Variants in HPSE2 observed in about 807,000 individuals in gnomAD.
HPSE2 encodes inactive heparanase-2.
HPSE2 carries 38 observed loss-of-function variants against 60.5 expected under a neutral mutation model. That is an observed-to-expected ratio of 0.63 (90% CI 0.48 to 0.82). HPSE2 has a LOEUF of 0.82. Ranked by LOEUF, HPSE2 falls within the 40% of genes least tolerant of loss-of-function variation. The probability of loss-of-function intolerance (pLI) is 0.00; values close to 1 mark genes in which losing one functional copy is unlikely to be tolerated. For missense variants in HPSE2, 713 were observed against 740.4 expected (o/e 0.96, Z 0.43); for synonymous variants, 295 against 293.2 (o/e 1.01, Z -0.06).
intron 3 of HPSE2, among the ~76,000 whole-genome samples, chr10:98,818,764 A>T (rs573649522): frequency 6.6e-6 from 1 of 152,184 alleles, no homozygotes; most frequent in Non-Finnish European, 1.5e-5. Context: ...ATCAAGGAAA[A>T]CTCTGGACTC....
chr10:99,010,338 C>T (rs1260844906), intron 3 of HPSE2, among the ~76,000 whole-genome samples: 4 of 152,194 alleles, frequency 2.6e-5, no homozygotes, highest in African/African-American at 9.7e-5. Context: ...TGAGAATCTT[C>T]ACCTTTGCCT....
chr10:98,867,828 G>C (rs1181665262), intron 3 of HPSE2, among the ~76,000 whole-genome samples: 1 of 152,136 alleles, frequency 6.6e-6, no homozygotes, highest in African/African-American at 2.4e-5. Flanking sequence ...GGGAGGCCAA[G>C]GCAGGCCAAC....
intron 6 of HPSE2, among the ~76,000 whole-genome samples, chr10:98,688,465 C>CTTTTTTTTTATTTTTTTTT (rs1947977495): frequency 9.6e-6 from 1 of 103,858 alleles, no homozygotes; most frequent in Non-Finnish European, 1.8e-5. Context: ...TTTAGCATTT[C>CTTTTTTTTTATTTTTTTTT]TTTTTTTTTT....
chr10:98,618,331 T>C (rs1170507038), intron 8 of HPSE2, among the ~76,000 whole-genome samples: 2 of 152,182 alleles, frequency 1.3e-5, no homozygotes, highest in Admixed American at 1.3e-4. Context: ...CTTTTCCAAC[T>C]TCCTCCATGA....
intron 9 of HPSE2, among the ~76,000 whole-genome samples, chr10:98,605,481 T>G (rs1361673749): frequency 6.6e-6 from 1 of 152,170 alleles, no homozygotes; most frequent in Non-Finnish European, 1.5e-5. Flanking sequence ...GTAAAGATAC[T>G]AAAAAACGGA....
In HPSE2 at chr10:99,178,685, G is replaced by A. The variant is rs184440977; in HGVS notation, c.449-34286C>T. ...GACAAATTCATAGCCAAATTCTACA[G>A]AGGTACAAAGAGGAGCTGGTACCAT... On this transcript the variant is annotated intron_variant, in intron 2 of 11. Coordinates refer to ENST00000370552, the MANE Select transcript of HPSE2 (RefSeq NM_021828.5). 4.0e-4 allele frequency among the ~76,000 whole-genome samples: 61 copies of A among 152,240 alleles called. 1 individual carries two copies. The East Asian group carries it at 0.011, about 27-fold the overall frequency.
intron 6 of HPSE2, among the ~76,000 whole-genome samples, chr10:98,656,074 C>G (rs1028356895): frequency 1.3e-5 from 2 of 150,596 alleles, no homozygotes; most frequent in African/African-American, 4.9e-5. Flanking sequence ...CATTAGTTTC[C>G]TATTTGAGTT....
At chr10:98,850,739 A>G (rs1589945153) in intron 3 of HPSE2, among the ~76,000 whole-genome samples, 2 of 144,972 alleles carry the variant, frequency 1.4e-5, no homozygotes. Flanking sequence ...TCCATCTCAA[A>G]AAAAAAAAAA....
At chr10:99,279,696 C>T in the HPSE2 span, among the ~76,000 whole-genome samples, 1 of 152,188 alleles carries the variant, frequency 6.6e-6, no homozygotes, top group Non-Finnish European at 1.5e-5. Context: ...TATGGGGCTA[C>T]CCAGGGCTCT....
the HPSE2 span, among the ~76,000 whole-genome samples, chr10:99,313,230 C>G: frequency 7.0e-3 from 1,062 of 152,298 alleles, 13 homozygotes; most frequent in African/African-American, 0.025. Context: ...ATTTGTGAAT[C>G]ATGGGAGGAC....
intron 3 of HPSE2, among the ~76,000 whole-genome samples, chr10:98,855,001 T>G (rs1238958761): frequency 6.6e-6 from 1 of 151,998 alleles, no homozygotes; most frequent in Non-Finnish European, 1.5e-5. Context: ...GACAAGAAAA[T>G]TTAGAAGATA....
At chr10:98,522,340 C>A (rs756555061) in intron 9 of HPSE2, among the ~76,000 whole-genome samples, 2 of 151,702 alleles carry the variant, frequency 1.3e-5, no homozygotes, top group Non-Finnish European at 2.9e-5. Flanking sequence ...TCCCCACCAT[C>A]CACTATAAGA....
At chr10:99,243,349 T>C in the HPSE2 span, among the ~76,000 whole-genome samples, 3 of 150,492 alleles carry the variant, frequency 2.0e-5, no homozygotes, top group African/African-American at 7.4e-5. Flanking sequence ...CAAGACTCTG[T>C]CTCAAAAAAA....
chr10:99,184,522 CAAAAAAAAAAAAAA>C lies in HPSE2; in HGVS notation c.449-40137_449-40124del, dbSNP rs200059066. Among the ~76,000 whole-genome samples, 27 of 60,754 alleles carry C rather than the reference CAAAAAAAAAAAAAA, an allele frequency of 4.4e-4. No individual in the cohort carries two copies. In the South Asian group the frequency reaches 7.3e-3, roughly 16 times the overall value. The allele number at this position is 60,754 out of a possible 152,430, so 39.9% of individuals were successfully genotyped here. A position where few individuals can be genotyped will look rare whatever the true frequency, so the allele number is the denominator to read the frequency against. On this transcript the variant is annotated intron_variant, in intron 2 of 11. Coordinates refer to ENST00000370552, the MANE Select transcript of HPSE2 (RefSeq NM_021828.5). ...CCTGGGCAACAGAGCGAGACTGTCT[CAAAAAAAAAAAAAA>C]AAAAAAAAAAAAAAAAAAAAAAAGC...
intron 3 of HPSE2, among the ~76,000 whole-genome samples, chr10:99,056,748 G>C (rs1330182666): frequency 6.6e-6 from 1 of 152,000 alleles, no homozygotes; most frequent in East Asian, 1.9e-4. Flanking sequence ...TCTTAAATGG[G>C]ACACAGAGAG....
At chr10:98,732,364 C>G (rs936562801) in intron 4 of HPSE2, among the ~76,000 whole-genome samples, 1 of 152,114 alleles carries the variant, frequency 6.6e-6, no homozygotes, top group African/African-American at 2.4e-5. Flanking sequence ...GGAGGATTTA[C>G]ATTTCCAAAT....
chr10:98,584,118 T>C (rs1944875709), intron 9 of HPSE2, among the ~76,000 whole-genome samples: 1 of 152,194 alleles, frequency 6.6e-6, no homozygotes, highest in Non-Finnish European at 1.5e-5. Flanking sequence ...TTTACAATCT[T>C]ACCAGCGATG....
chr10:99,247,130 A>G, the HPSE2 span, among the ~76,000 whole-genome samples: 1 of 152,346 alleles, frequency 6.6e-6, no homozygotes, highest in Non-Finnish European at 1.5e-5. Flanking sequence ...AAGCATACAC[A>G]CATACCCTTC....
intron 3 of HPSE2, among the ~76,000 whole-genome samples, chr10:99,134,434 T>G (rs1845564746): frequency 6.6e-6 from 1 of 152,036 alleles, no homozygotes; most frequent in Non-Finnish European, 1.5e-5. Flanking sequence ...TTCACCAAGG[T>G]TGAAATGCAG....
Sources: allele counts gnomAD v4.1 joint callset (sites outside exome capture counted in the v4.1 genomes callset), GRCh38; gene constraint gnomAD v4.1.1; transcripts MANE v1.5; gene names NCBI Gene and HGNC (gene_info 2026-07-23, HGNC 2026-07-21).